Variants in MAGI3 observed in about 807,000 individuals in gnomAD.
MAGI3 encodes membrane-associated guanylate kinase, WW and PDZ domain-containing protein 3.
MAGI3 carries 43 observed loss-of-function variants against 121.8 expected under a neutral mutation model. The ratio of observed to expected loss-of-function variants is 0.35; its 90% CI spans 0.28 to 0.46. MAGI3 has a LOEUF of 0.46. MAGI3 is among the 20% of genes least tolerant of loss of function. The pLI is 1.00. For synonymous variants in MAGI3, 553 were observed against 639.3 expected (o/e 0.86, Z 2.04); for missense variants, 1,547 against 1,797.3 (o/e 0.86, Z 2.52).
chr1:113,589,220 AG>A (rs1648555876), intron 4 of MAGI3, among the ~76,000 whole-genome samples: 1 of 152,068 alleles, frequency 6.6e-6, no homozygotes, highest in Non-Finnish European at 1.5e-5. Flanking sequence ...ATGAGGGATA[AG>A]GGAAAAGTAG....
In MAGI3 at chr1:113,416,266, T is replaced by C. The variant is rs201630104; in HGVS notation, c.316+24917T>C. On this transcript the variant is annotated intron_variant, in intron 1 of 20. Transcript: ENST00000307546. ...TATGTAATTAATTACACATATTAAT[T>C]ATGTAATTAATTACACATATTAATT... Among the ~76,000 whole-genome samples, 7 of 135,124 alleles carry C rather than the reference T, an allele frequency of 5.2e-5. 2 individuals carry two copies. The East Asian group carries it at 8.8e-4, about 17-fold the overall frequency. 88.6% of individuals were successfully genotyped at this position (135,124 alleles called of 152,430 possible).
chr1:113,528,850 A>G (rs1658575420), intron 1 of MAGI3, among the ~76,000 whole-genome samples: 1 of 152,208 alleles, frequency 6.6e-6, no homozygotes, highest in African/African-American at 2.4e-5. Flanking sequence ...TATTTTTAAT[A>G]GTTTTTATTG....
At chr1:113,575,268 A>T (rs1309844923) in intron 2 of MAGI3, among the ~76,000 whole-genome samples, 2 of 152,154 alleles carry the variant, frequency 1.3e-5, no homozygotes, top group African/African-American at 2.4e-5. Flanking sequence ...GAGAAGAAGC[A>T]TTCTGGTTTT....
chr1:113,546,756 G>A (rs981748881), intron 1 of MAGI3, among the ~76,000 whole-genome samples: 2 of 151,666 alleles, frequency 1.3e-5, no homozygotes, highest in Admixed American at 6.6e-5. Flanking sequence ...TCCAGCCTTG[G>A]CCTCTGAGTC....
At chr1:113,610,843 G>A (rs1194546542) in intron 6 of MAGI3, among the ~76,000 whole-genome samples, 2 of 151,808 alleles carry the variant, frequency 1.3e-5, no homozygotes, top group African/African-American at 4.8e-5. Context: ...CTGAGGCAGG[G>A]GAATCACTTG....
At chr1:113,505,281 A>G (rs764862333) in intron 1 of MAGI3, among the ~76,000 whole-genome samples, 3 of 152,138 alleles carry the variant, frequency 2.0e-5, no homozygotes, top group African/African-American at 2.4e-5. Flanking sequence ...TTTAACATCT[A>G]TCTGTATTTT....
chr1:113,678,116 T>G (rs10776773), intron 19 of MAGI3, among the ~76,000 whole-genome samples: 56,491 of 150,372 alleles, frequency 0.38, 11,927 homozygotes, highest in African/African-American at 0.58. Flanking sequence ...TTTTGTTGTT[T>G]TTTTTTTTTG....
intron 1 of MAGI3, among the ~76,000 whole-genome samples, chr1:113,409,231 A>G (rs1651848261): frequency 6.6e-6 from 1 of 151,936 alleles, no homozygotes; most frequent in Non-Finnish European, 1.5e-5. Context: ...GAGAAATGGA[A>G]TGGAATTTAG....
chr1:113,530,876 A>G (rs1036594919), intron 1 of MAGI3, among the ~76,000 whole-genome samples: 1 of 151,948 alleles, frequency 6.6e-6, no homozygotes, highest in Non-Finnish European at 1.5e-5. Flanking sequence ...TGATTGTACT[A>G]CTGCACTCCA....
chr1:113,512,321 CA>C (rs1324942371), intron 1 of MAGI3, among the ~76,000 whole-genome samples: 1 of 152,162 alleles, frequency 6.6e-6, no homozygotes, highest in African/African-American at 2.4e-5. Context: ...TGTAAAATCA[CA>C]GGCCTTGAAG....
chr1:113,622,189 A>T (rs917607229), intron 8 of MAGI3, among the ~76,000 whole-genome samples: 5 of 152,170 alleles, frequency 3.3e-5, no homozygotes, highest in African/African-American at 1.2e-4. Context: ...TAAATTATAA[A>T]CCTGCACAAT....
chr1:113,568,897 C>A (rs1570877159), intron 2 of MAGI3, among the ~76,000 whole-genome samples: 1 of 151,918 alleles, frequency 6.6e-6, no homozygotes, highest in South Asian at 2.1e-4. Context: ...CAACTAGACA[C>A]AAAAACCATT....
At chr1:113,399,513 T>C (rs1019104474) in intron 1 of MAGI3, among the ~76,000 whole-genome samples, 3 of 152,140 alleles carry the variant, frequency 2.0e-5, no homozygotes, top group African/African-American at 7.2e-5. Flanking sequence ...CATAAAACTA[T>C]CATTTTTAGA....
At chr1:113,604,449 C>T (rs1443716975) in intron 6 of MAGI3, among the ~76,000 whole-genome samples, 1 of 151,340 alleles carries the variant, frequency 6.6e-6, no homozygotes, top group African/African-American at 2.4e-5. Context: ...CACCTGTAAT[C>T]CCACCTACTC....
At chr1:113,490,582 T>A (rs2359416) in intron 1 of MAGI3, among the ~76,000 whole-genome samples, 144,432 of 152,300 alleles carry the variant, frequency 0.95, 68,522 homozygotes, top group East Asian at 0.99. Context: ...AGAGAGTGGC[T>A]AGCTGGATAA....
rs1489727853 is a variant in MAGI3 at position 113,683,049 on chromosome 1, GA to G, written c.3483del (p.Glu1162AsnfsTer2). The G allele has an allele frequency of 6.2e-7, 1 of 1,613,750 alleles. No individual in the cohort carries two copies. Among genetic ancestry groups the G allele is most frequent in the Non-Finnish European group, 8.5e-7 (1 of 1,179,876 alleles). ...GAGAGTTCAGATATGTGAAAAGGCA[GA>G]AGAATTAAAGGACATTGTGCCTGAA... ...SLRVQICEKA[E>X]ELKDIVPEKK... On this transcript the variant is annotated frameshift_variant, in exon 21 of 21. Coordinates refer to ENST00000307546, the MANE Select transcript of MAGI3 (RefSeq NM_001142782.2). LOFTEE classifies it low-confidence loss of function (END_TRUNC).
chr1:113,542,915 C>T (rs1659356342), intron 1 of MAGI3, among the ~76,000 whole-genome samples: 1 of 152,250 alleles, frequency 6.6e-6, no homozygotes, highest in Non-Finnish European at 1.5e-5. Flanking sequence ...AGCAGTGTAA[C>T]CTTGGCCAAG....
intron 6 of MAGI3, among the ~76,000 whole-genome samples, chr1:113,602,858 G>T (rs1206440222): frequency 6.6e-6 from 1 of 151,956 alleles, no homozygotes; most frequent in Non-Finnish European, 1.5e-5. Flanking sequence ...CCTGGAGGAG[G>T]CAGAGGTTGC....
chr1:113,571,860 C>G (rs546850287), intron 2 of MAGI3, among the ~76,000 whole-genome samples: 14 of 152,334 alleles, frequency 9.2e-5, no homozygotes, highest in Admixed American at 5.9e-4. Flanking sequence ...TTGACTTCCT[C>G]TCTTCCTATT....
Sources: allele counts gnomAD v4.1 joint callset (sites outside exome capture counted in the v4.1 genomes callset), GRCh38; gene constraint gnomAD v4.1.1; transcripts MANE v1.5; gene names NCBI Gene and HGNC (gene_info 2026-07-23, HGNC 2026-07-21).